The following WNK2 variants were observed in gnomAD, a reference collection of about 807,000 sequenced individuals.
WNK2 encodes the protein WNK lysine deficient protein kinase 2.
WNK2 carries 67 observed loss-of-function variants against 192.1 expected under a neutral mutation model. The ratio of observed to expected loss-of-function variants is 0.35; its 90% CI spans 0.29 to 0.43. The LOEUF is 0.43. Ranked by LOEUF, WNK2 falls within the 20% of genes least tolerant of loss-of-function variation. The probability of loss-of-function intolerance (pLI) is 1.00; values close to 1 mark genes in which losing one functional copy is unlikely to be tolerated. For synonymous variants in WNK2, 1,439 were observed against 1,393.9 expected (o/e 1.03, Z -0.72); for missense variants, 2,698 against 3,089.7 (o/e 0.87, Z 3.01).
At chr9:93,225,357 C>T (rs531151344) in intron 2 of WNK2, among the ~76,000 whole-genome samples, 15 of 152,288 alleles carry the variant, frequency 9.8e-5, no homozygotes, top group African/African-American at 3.1e-4. Flanking sequence ...GATCACACCA[C>T]GGCACTCCAG....
chr9:93,318,420 C>T (rs200220940), intron 29 of WNK2: 7 of 1,613,902 alleles, frequency 4.3e-6, no homozygotes, highest in Non-Finnish European at 5.1e-6. Flanking sequence ...TGAGAGACGG[C>T]GGGACGCTGG....
At chr9:93,284,656 AAG>A (rs1194368607) in intron 19 of WNK2, among the ~76,000 whole-genome samples, 1 of 149,160 alleles carries the variant, frequency 6.7e-6, no homozygotes, top group African/African-American at 2.4e-5. Flanking sequence ...GAGAAAGAAA[AAG>A]AAGGGAAAGC....
At chr9:93,306,934 C>A in intron 27 of WNK2, 113 bp downstream of exon 27, 1 of 1,340,510 alleles carries the variant, frequency 7.5e-7, no homozygotes, top group Non-Finnish European at 1.1e-6. Flanking sequence ...CCTGTGCCTG[C>A]CCCGCGCCTG....
rs1212812201 is a variant in WNK2, at chr9:93,257,578, G to T, written c.2382+439G>T. Among the ~76,000 whole-genome samples the T allele has an allele frequency of 6.6e-6, 1 of 152,216 alleles. No homozygotes were observed. The highest frequency in any genetic ancestry group is 1.5e-5 in the Non-Finnish European group (1 of 68,024). Reference sequence around the variant, plus strand: ...CCAGGCTCATCCAGGATAGGAAAAGGTTTGTTAGTCCAAGGTCGTGGACAG... The same window carrying T: ...CCAGGCTCATCCAGGATAGGAAAAGTTTTGTTAGTCCAAGGTCGTGGACAG... On this transcript the variant is annotated intron_variant, in intron 11 of 29. Coordinates refer to ENST00000427277, the MANE Select transcript of WNK2 (RefSeq NM_006648.4). The surrounding 1 kb of genome is among the most constrained non-coding windows in gnomAD (Gnocchi z 4.7).
rs183582743 is a variant in WNK2, at chr9:93,192,002, C to T, written c.681+6392C>T. Among the ~76,000 whole-genome samples, 455 of 151,054 alleles carry T rather than the reference C, an allele frequency of 3.0e-3. 2 individuals are homozygous for T. Among genetic ancestry groups the T allele is most frequent in the Non-Finnish European group, 5.4e-3 (365 of 67,866 alleles). On this transcript the variant is annotated intron_variant, in intron 2 of 29. Transcript: ENST00000427277. ...ATCGTGCCACTGCACTCCAACCTGG[C>T]GACAGAGCAAGACTCCGTCTCAAAA...
chr9:93,253,293 G>T (rs919429607), intron 9 of WNK2, among the ~76,000 whole-genome samples: 1 of 151,918 alleles, frequency 6.6e-6, no homozygotes, highest in African/African-American at 2.4e-5. Flanking sequence ...GCTGTCAGCT[G>T]CGGAACTGCT....
chr9:93,243,493 TC>T (rs1841133441), intron 7 of WNK2, among the ~76,000 whole-genome samples: 1 of 152,210 alleles, frequency 6.6e-6, no homozygotes, highest in African/African-American at 2.4e-5. Context: ...TGCATTTTTT[TC>T]ATTGTGAGAC....
intron 7 of WNK2, among the ~76,000 whole-genome samples, chr9:93,244,132 C>G (rs368995169): frequency 2.0e-5 from 3 of 152,186 alleles, no homozygotes; most frequent in African/African-American, 7.2e-5. Flanking sequence ...GATGTTAGGT[C>G]TTAGAGGTGT....
chr9:93,202,897 T>G (rs562459181), intron 2 of WNK2, among the ~76,000 whole-genome samples: 1 of 152,234 alleles, frequency 6.6e-6, no homozygotes, highest in South Asian at 2.1e-4. Context: ...TGGGGGTTCT[T>G]GCTAGGGTAG....
At chr9:93,319,885 G>GC (rs1357106493) in intron 29 of WNK2, among the ~76,000 whole-genome samples, 4 of 152,212 alleles carry the variant, frequency 2.6e-5, no homozygotes, top group Non-Finnish European at 4.4e-5. Flanking sequence ...CGAGCTGACT[G>GC]TGGTCCCTCC....
intron 19 of WNK2, among the ~76,000 whole-genome samples, chr9:93,279,703 A>G (rs924717178): frequency 1.3e-5 from 2 of 152,206 alleles, no homozygotes; most frequent in African/African-American, 2.4e-5. Context: ...ATTGATGCAA[A>G]GACAGACAGA....
At chr9:93,308,232 G>C in intron 27 of WNK2, 96 bp from the exon 28 acceptor site, 1 of 1,478,568 alleles carries the variant, frequency 6.8e-7, no homozygotes, top group Non-Finnish European at 9.0e-7. Context: ...TGAGACCATT[G>C]TCTCAGCTGT....
intron 2 of WNK2, among the ~76,000 whole-genome samples, chr9:93,214,384 A>C (rs562990705): frequency 6.6e-6 from 1 of 151,774 alleles, no homozygotes; most frequent in African/African-American, 2.4e-5. Context: ...GCTCACAGCA[A>C]CCTCTGCCTC....
chr9:93,291,570 G>T (rs1051149134), intron 21 of WNK2, among the ~76,000 whole-genome samples: 1 of 152,168 alleles, frequency 6.6e-6, no homozygotes, highest in African/African-American at 2.4e-5. Flanking sequence ...GGCTCCTTAG[G>T]AATCTGATTT....
chr9:93,262,092 G>A lies in WNK2; in HGVS notation c.3345G>A (p.Val1115=). The A allele has an allele frequency of 6.2e-7, 1 of 1,600,444 alleles. No homozygotes were observed. Among genetic ancestry groups the A allele is most frequent in the Non-Finnish European group, 8.5e-7 (1 of 1,171,528 alleles). The change falls in exon 13 of 30, where the codon GTG becomes GTA. Residue 1115 remains valine, a synonymous_variant. Transcript: ENST00000427277. ...ASPCPTVQLT[V]EPVQEEQASQ... ...CTTGCCCAACTGTCCAGCTGACGGT[G>A]GAACCAGTCCAAGAGGTGTGTGCCC...
At chr9:93,306,130 T>C (rs1852489919) in intron 26 of WNK2, among the ~76,000 whole-genome samples, 1 of 152,196 alleles carries the variant, frequency 6.6e-6, no homozygotes, top group African/African-American at 2.4e-5. Context: ...GGCTGAGGCC[T>C]TGCCCTACCC....
intron 2 of WNK2, among the ~76,000 whole-genome samples, chr9:93,193,146 G>A (rs962588254): frequency 6.6e-6 from 1 of 152,162 alleles, no homozygotes; most frequent in African/African-American, 2.4e-5. Flanking sequence ...GGGGGGTTTG[G>A]GAGCCTCAAA....
chr9:93,200,729 C>T (rs1681093585), intron 2 of WNK2, among the ~76,000 whole-genome samples: 1 of 152,118 alleles, frequency 6.6e-6, no homozygotes, highest in South Asian at 2.1e-4. Context: ...CACATGGGCT[C>T]AGGGTGTGGT....
In WNK2 at chr9:93,268,522, G is replaced by T; in HGVS notation, c.3914-105G>T. 2.7e-6 allele frequency: 4 copies of T among 1,507,188 alleles called. No homozygotes were observed. In the South Asian group the frequency reaches 3.6e-5, roughly 14 times the overall value. The allele number at this position is 1,507,188 out of a possible 1,614,324, so 93.4% of individuals were successfully genotyped here. On this transcript the variant is annotated intron_variant, in intron 18 of 29. Coordinates refer to ENST00000427277, the MANE Select transcript of WNK2 (RefSeq NM_006648.4). ...TGGAGAAAATCCCATAGGTGTAAAG[G>T]AGTTCACAGACCCACTGTGGCAAGT...
Sources: gnomAD v4.1 joint callset for allele counts (sites outside exome capture counted in the v4.1 genomes callset) on GRCh38, gnomAD v4.1.1 for gene constraint, Gnocchi (gnomAD v3.1) non-coding constraint, MANE v1.5 for transcripts, NCBI Gene and HGNC (gene_info 2026-07-23, HGNC 2026-07-21) for gene names.